The following PPP3CA variants were observed in gnomAD, a reference collection of about 807,000 sequenced individuals.
The protein encoded by PPP3CA is CAM-PRP catalytic subunit.
A neutral mutation model predicts 66.5 loss-of-function variants in PPP3CA; 14 were observed. The observed-to-expected ratio is 0.21, with a 90% CI of 0.14 to 0.33. PPP3CA has a LOEUF of 0.33. PPP3CA is among the 10% of genes least tolerant of loss of function. The probability of loss-of-function intolerance (pLI) is 1.00; values close to 1 mark genes in which losing one functional copy is unlikely to be tolerated. For missense variants in PPP3CA, 317 were observed against 639.5 expected, an observed-to-expected ratio of 0.50 and a Z score of 5.44; for synonymous variants, 232 against 226.2, an observed-to-expected ratio of 1.03 and a Z score of -0.23.
chr4:101,265,654 T>C (rs557051031), intron 1 of PPP3CA, among the ~76,000 whole-genome samples: 1 of 152,270 alleles, frequency 6.6e-6, no homozygotes, highest in East Asian at 1.9e-4. Flanking sequence ...AAGGAGAAGA[T>C]GAATGAAAGG....
chr4:101,078,694 T>C (rs918795509), intron 8 of PPP3CA, among the ~76,000 whole-genome samples: 2 of 151,514 alleles, frequency 1.3e-5, no homozygotes, highest in African/African-American at 2.4e-5. Flanking sequence ...GATTAACTCA[T>C]AGGTTCTTCA....
chr4:101,257,042 G>A (rs571074038), intron 1 of PPP3CA, among the ~76,000 whole-genome samples: 1 of 152,024 alleles, frequency 6.6e-6, no homozygotes, highest in South Asian at 2.1e-4. Flanking sequence ...TTCTTATTAT[G>A]GAACTCATTC....
chr4:101,197,298 T>C (rs1467026661), intron 1 of PPP3CA, among the ~76,000 whole-genome samples: 1 of 152,226 alleles, frequency 6.6e-6, no homozygotes, highest in Non-Finnish European at 1.5e-5. Context: ...TGGCATAGAT[T>C]TGTAATCCCG....
intron 6 of PPP3CA, among the ~76,000 whole-genome samples, chr4:101,090,680 G>A (rs1336602328): frequency 2.8e-5 from 4 of 145,362 alleles, no homozygotes; most frequent in Non-Finnish European, 4.5e-5. Flanking sequence ...TTAATGAGAC[G>A]AAATAATCAT....
chr4:101,310,669 TGAAG>T (rs1217280927), intron 1 of PPP3CA, among the ~76,000 whole-genome samples: 2 of 152,192 alleles, frequency 1.3e-5, no homozygotes, highest in African/African-American at 4.8e-5. Flanking sequence ...AGAAACACTC[TGAAG>T]AAATAACAAC....
intron 2 of PPP3CA, among the ~76,000 whole-genome samples, chr4:101,182,583 A>C (rs1724274868): frequency 6.6e-6 from 1 of 152,182 alleles, no homozygotes; most frequent in Non-Finnish European, 1.5e-5. Flanking sequence ...TAAAAGAACA[A>C]TATATTGGCT....
intron 9 of PPP3CA, among the ~76,000 whole-genome samples, chr4:101,062,791 C>T (rs924898539): frequency 4.6e-5 from 7 of 151,942 alleles, no homozygotes; most frequent in African/African-American, 7.2e-5. Context: ...TAAGCACTAT[C>T]GTACAATAAT....
intron 1 of PPP3CA, among the ~76,000 whole-genome samples, chr4:101,207,402 T>A (rs536796649): frequency 1.3e-5 from 2 of 152,278 alleles, no homozygotes; most frequent in East Asian, 1.9e-4. Flanking sequence ...GAGTCAGAAG[T>A]AGTTCAGGGG....
At chr4:101,094,937 A>G (rs1027779518) in intron 5 of PPP3CA, among the ~76,000 whole-genome samples, 9 of 152,122 alleles carry the variant, frequency 5.9e-5, no homozygotes, top group African/African-American at 2.2e-4. Flanking sequence ...AAATCCAATG[A>G]AGACAAGTGA....
intron 1 of PPP3CA, chr4:101,330,397 A>C: frequency 1.9e-6 from 1 of 532,476 alleles, no homozygotes; most frequent in Non-Finnish European, 3.9e-6. Context: ...TTGAGAAGCA[A>C]CTCAAAGGAT....
chr4:101,106,440 AGAAAGAAAGAAAG>A (rs1199803111), intron 3 of PPP3CA, among the ~76,000 whole-genome samples: 501 of 13,518 alleles, frequency 0.037, 87 homozygotes, highest in South Asian at 0.082. Flanking sequence ...AAAGAAAGAA[AGAAAGAAAGAAAG>A]AGAAAAGAAA....
chr4:101,080,477 T>A (rs1481359145), intron 8 of PPP3CA, 55 bp downstream of exon 8: 10 of 1,009,862 alleles, frequency 9.9e-6, no homozygotes, highest in Non-Finnish European at 1.4e-5. Context: ...TAAAACGGCT[T>A]AAGAATTATT....
chr4:101,241,496 C>A (rs980549983), intron 1 of PPP3CA, among the ~76,000 whole-genome samples: 8 of 151,958 alleles, frequency 5.3e-5, no homozygotes, highest in African/African-American at 1.9e-4. Context: ...ATTTCTAAAC[C>A]TGAAATCAAA....
At chr4:101,094,265 TG>T (rs1305690530) in intron 5 of PPP3CA, among the ~76,000 whole-genome samples, 3 of 152,188 alleles carry the variant, frequency 2.0e-5, no homozygotes, top group Non-Finnish European at 4.4e-5. Flanking sequence ...TCTATCCAAA[TG>T]TTTTTTTCAT....
At chr4:101,063,924 A>AT (rs1728578447) in intron 8 of PPP3CA, among the ~76,000 whole-genome samples, 1 of 151,954 alleles carries the variant, frequency 6.6e-6, no homozygotes, top group South Asian at 2.1e-4. Flanking sequence ...GATCAGGGTA[A>AT]TTAGCTATAC....
intron 1 of PPP3CA, among the ~76,000 whole-genome samples, chr4:101,259,615 A>C (rs914409618): frequency 2.0e-5 from 3 of 152,180 alleles, no homozygotes; most frequent in Non-Finnish European, 4.4e-5. Flanking sequence ...AGGATTATAA[A>C]GTACATCATT....
intron 1 of PPP3CA, among the ~76,000 whole-genome samples, chr4:101,333,316 A>G (rs1248263050): frequency 2.5e-5 from 2 of 81,596 alleles, no homozygotes; most frequent in Admixed American, 1.6e-4. Flanking sequence ...TTTTGTAGAG[A>G]TGAGGTCTCA....
intron 8 of PPP3CA, among the ~76,000 whole-genome samples, chr4:101,070,101 T>A (rs549878117): frequency 4.6e-5 from 7 of 152,250 alleles, no homozygotes; most frequent in Middle Eastern, 3.4e-3. Flanking sequence ...TTAACTAGGT[T>A]ATTATTCATA....
At chr4:101,324,123 AAAGGAAGGG>A (rs1264150227) in intron 1 of PPP3CA, among the ~76,000 whole-genome samples, 17 of 137,532 alleles carry the variant, frequency 1.2e-4, no homozygotes, top group East Asian at 4.2e-4. Flanking sequence ...AAAAGAAAAG[AAAGGAAGGG>A]AAGGAAGGGA....
Sources: gnomAD v4.1 joint callset for allele counts (sites outside exome capture counted in the v4.1 genomes callset) on GRCh38, gnomAD v4.1.1 for gene constraint, MANE v1.5 for transcripts, NCBI Gene and HGNC (gene_info 2026-07-23, HGNC 2026-07-21) for gene names.